The following ANO2 variants were observed in gnomAD, a reference collection of about 807,000 sequenced individuals.
ANO2 encodes the protein anoctamin-2.
Under a neutral mutation model 124.2 loss-of-function variants are expected in ANO2, and 101 were observed. That is an observed-to-expected ratio of 0.81 (90% CI 0.69 to 0.96). ANO2 has a LOEUF of 0.96. Ranked by LOEUF, ANO2 falls within the 40% of genes least tolerant of loss-of-function variation. The pLI, the probability that ANO2 is intolerant of heterozygous loss-of-function variation, is 0.00. For missense variants in ANO2, 1,293 were observed against 1,274.5 expected (o/e 1.01, Z -0.22); for synonymous variants, 486 against 482.5 (o/e 1.01, Z -0.09).
At chr12:5,885,690 C>G (rs7314204) in intron 3 of ANO2, among the ~76,000 whole-genome samples, 1 of 151,946 alleles carries the variant, frequency 6.6e-6, no homozygotes, top group Non-Finnish European at 1.5e-5. Context: ...TAGCTAGCCC[C>G]GAGTTCTTTG....
At chr12:5,802,424 C>T (rs997451192) in intron 9 of ANO2, among the ~76,000 whole-genome samples, 11 of 152,336 alleles carry the variant, frequency 7.2e-5, no homozygotes, top group East Asian at 1.9e-4. Context: ...GCAGCAATTA[C>T]GCCTGGATGC....
At chr12:5,649,691 A>G (rs454646) in intron 14 of ANO2, among the ~76,000 whole-genome samples, 63,944 of 151,830 alleles carry the variant, frequency 0.42, 15,554 homozygotes, top group African/African-American at 0.66. Flanking sequence ...TGCAACCTCC[A>G]CCTCCCAGGT....
rs202013641 is a variant in ANO2, at chr12:5,584,136, C to A, written c.2234-5618G>T. 2.4e-5 allele frequency: 4 copies of A among 163,862 alleles called. No homozygotes were observed. The East Asian group carries it at 7.5e-4, about 31-fold the overall frequency. 10.2% of individuals were successfully genotyped at this position (163,862 alleles called of 1,614,324 possible). A position where few individuals can be genotyped will look rare whatever the true frequency, so the allele number is the denominator to read the frequency against. On this transcript the variant is annotated intron_variant, in intron 20 of 24. Coordinates refer to ENST00000682330, the MANE Select transcript of ANO2 (RefSeq NM_001364791.2). ...CATTCCTTAATTTAATGAACACCCC[C>A]CCCCCGCCGCAAGAATATTAATGTT...
chr12:5,626,360 C>A (rs1309812849), intron 16 of ANO2, among the ~76,000 whole-genome samples: 4 of 152,014 alleles, frequency 2.6e-5, no homozygotes, highest in Non-Finnish European at 5.9e-5. Context: ...AACAGGAAAC[C>A]CTGACAGCTG....
chr12:5,883,941 A>G (rs1938700170), intron 3 of ANO2, among the ~76,000 whole-genome samples: 1 of 152,136 alleles, frequency 6.6e-6, no homozygotes, highest in Non-Finnish European at 1.5e-5. Context: ...ACTTAAACCT[A>G]ATCCCAGCAT....
chr12:5,789,351 T>C (rs907514247), intron 10 of ANO2, among the ~76,000 whole-genome samples: 1 of 152,252 alleles, frequency 6.6e-6, no homozygotes, highest in South Asian at 2.1e-4. Context: ...ATCATACCAT[T>C]GCCCTCATCC....
At chr12:5,753,773 C>G (rs1024358043) in intron 10 of ANO2, among the ~76,000 whole-genome samples, 1 of 151,974 alleles carries the variant, frequency 6.6e-6, no homozygotes, top group Non-Finnish European at 1.5e-5. Flanking sequence ...TTTATTATTT[C>G]TAAAAGTTTT....
intron 14 of ANO2, among the ~76,000 whole-genome samples, chr12:5,659,523 C>A (rs904019181): frequency 2.0e-5 from 3 of 152,196 alleles, no homozygotes; most frequent in Admixed American, 6.5e-5. Context: ...GGAATCTTGG[C>A]AAAAGGGCAT....
intron 10 of ANO2, among the ~76,000 whole-genome samples, chr12:5,773,403 C>G (rs11611816): frequency 6.6e-6 from 1 of 152,146 alleles, no homozygotes; most frequent in Admixed American, 6.5e-5. Flanking sequence ...GGAACTCAGC[C>G]TAAGGGAGAT....
chr12:5,799,477 T>C, intron 10 of ANO2, 30 bp downstream of exon 10: 1 of 1,587,250 alleles, frequency 6.3e-7, no homozygotes, highest in Non-Finnish European at 8.6e-7. Flanking sequence ...ATCTCCAGGA[T>C]ACTTCCAAAA....
chr12:5,856,258 C>T (rs1238174368), intron 3 of ANO2: 1 of 152,132 alleles, frequency 6.6e-6, no homozygotes, highest in Non-Finnish European at 1.5e-5. Flanking sequence ...AACACATTAC[C>T]CTTTGTCTTT....
At chr12:5,889,904 G>A (rs1939269995) in intron 3 of ANO2, among the ~76,000 whole-genome samples, 1 of 152,226 alleles carries the variant, frequency 6.6e-6, no homozygotes, top group African/African-American at 2.4e-5. Context: ...GCACAAATAA[G>A]GCAGGCCCTT....
intron 13 of ANO2, among the ~76,000 whole-genome samples, chr12:5,733,489 T>G (rs1228318374): frequency 1.3e-5 from 2 of 152,236 alleles, no homozygotes; most frequent in African/African-American, 2.4e-5. Flanking sequence ...GACTTCATGT[T>G]CCTGCATCGT....
At chr12:5,821,990 G>A (rs1488231119) in intron 7 of ANO2, among the ~76,000 whole-genome samples, 3 of 152,178 alleles carry the variant, frequency 2.0e-5, no homozygotes, top group Non-Finnish European at 4.4e-5. Flanking sequence ...GACAGAGGAA[G>A]AGAAGACTCA....
chr12:5,672,295 C>T (rs1024708951), intron 14 of ANO2, among the ~76,000 whole-genome samples: 16 of 152,134 alleles, frequency 1.1e-4, no homozygotes, highest in Non-Finnish European at 2.4e-4. Context: ...AAAGTCAAAA[C>T]CAAGCTCTAT....
chr12:5,672,519 T>C (rs1454431397), intron 14 of ANO2, among the ~76,000 whole-genome samples: 2 of 152,184 alleles, frequency 1.3e-5, no homozygotes, highest in Admixed American at 6.5e-5. Flanking sequence ...TTCCTTCAGT[T>C]GAGTTTGGAC....
Position 5,636,306 on chromosome 12 carries a change from C to T in ANO2, c.1621-959G>A, listed in dbSNP as rs899689257. 6.6e-6 allele frequency among the ~76,000 whole-genome samples: 1 copy of T among 152,088 alleles called. No individual in the cohort carries two copies. The highest frequency in any genetic ancestry group is 2.4e-5 in the African/African-American group (1 of 41,408). Reference sequence around the variant, plus strand: ...AAGGAAGGATCATTTCCAGGAAGCACAAGGATGCTATGAGAAGCAAGTGCC... The same window carrying T: ...AAGGAAGGATCATTTCCAGGAAGCATAAGGATGCTATGAGAAGCAAGTGCC... On this transcript the variant is annotated intron_variant, in intron 15 of 24. Transcript: ENST00000682330. This position sits in a 1 kb window ranked among gnomAD's most constrained non-coding sequence, Gnocchi z 4.6.
chr12:5,647,617 C>G (rs2277400), intron 15 of ANO2, 110 bp downstream of exon 15: 422,390 of 936,704 alleles, frequency 0.45, 99,106 homozygotes, highest in East Asian at 0.65. Flanking sequence ...TGTGGCTTCC[C>G]CTTTACCAGC....
At chr12:5,637,352 TGTGTGTGTAC>T (rs1946077743) in intron 15 of ANO2, among the ~76,000 whole-genome samples, 1 of 151,044 alleles carries the variant, frequency 6.6e-6, no homozygotes, top group Admixed American at 6.6e-5. Context: ...TGTGTGTGTG[TGTGTGTGTAC>T]GTGTGTGTGT....
Sources: allele counts gnomAD v4.1 joint callset (sites outside exome capture counted in the v4.1 genomes callset), GRCh38; gene constraint gnomAD v4.1.1; non-coding constraint Gnocchi (gnomAD v3.1); transcripts MANE v1.5; gene names NCBI Gene and HGNC (gene_info 2026-07-23, HGNC 2026-07-21).